The following TNNI3K variants were observed in gnomAD, a reference collection of about 807,000 sequenced individuals.
TNNI3K encodes TNNI3 interacting kinase.
In TNNI3K, 140 loss-of-function variants were observed where a neutral mutation model predicts 114.5. That is an observed-to-expected ratio of 1.22 (90% CI 1.07 to 1.41). The LOEUF is 1.41. Ranked by LOEUF, TNNI3K falls within the 40% of genes most tolerant of loss-of-function variation. The pLI, the probability that TNNI3K is intolerant of heterozygous loss-of-function variation, is 0.00. For missense variants in TNNI3K, 1,125 were observed against 1,007.6 expected (o/e 1.12, Z -1.58); for synonymous variants, 347 against 347.5 (o/e 1.00, Z 0.02).
intron 11 of TNNI3K, among the ~76,000 whole-genome samples, chr1:74,359,514 T>A (rs561168461): frequency 6.6e-6 from 1 of 152,124 alleles, no homozygotes; most frequent in South Asian, 2.1e-4. Flanking sequence ...AAGTGTGTGT[T>A]GTTTTGTTAT....
intron 5 of TNNI3K, among the ~76,000 whole-genome samples, chr1:74,305,964 A>G (rs1449673676): frequency 6.6e-6 from 1 of 152,258 alleles, no homozygotes; most frequent in East Asian, 1.9e-4. Flanking sequence ...TACTGAATCC[A>G]TCACCCAAAA....
intron 11 of TNNI3K, among the ~76,000 whole-genome samples, chr1:74,359,420 A>G (rs1661835942): frequency 6.6e-6 from 1 of 151,990 alleles, no homozygotes; most frequent in South Asian, 2.1e-4. Context: ...TTAATATATT[A>G]GGATAATAGG....
At chr1:74,309,261 G>T (rs1232997233) in intron 5 of TNNI3K, among the ~76,000 whole-genome samples, 2 of 146,988 alleles carry the variant, frequency 1.4e-5, no homozygotes, top group African/African-American at 2.5e-5. Flanking sequence ...CCAGCTACTC[G>T]GGAGGCTGAG....
intron 5 of TNNI3K, among the ~76,000 whole-genome samples, chr1:74,290,722 T>C (rs1657627339): frequency 6.6e-6 from 1 of 151,786 alleles, no homozygotes; most frequent in South Asian, 2.1e-4. Flanking sequence ...TTAGTTTTTC[T>C]TATTACTAGA....
At chr1:74,491,678 A>C (rs1239598043) in intron 22 of TNNI3K, among the ~76,000 whole-genome samples, 1 of 152,206 alleles carries the variant, frequency 6.6e-6, no homozygotes, top group Non-Finnish European at 1.5e-5. Flanking sequence ...AAAGTGTGTA[A>C]ATTCATTTTA....
intron 16 of TNNI3K, 72 bp from the exon 17 acceptor site, chr1:74,370,216 T>C: frequency 7.4e-7 from 1 of 1,345,214 alleles, no homozygotes; most frequent in Non-Finnish European, 1.0e-6. Flanking sequence ...ATAACAACTC[T>C]TACACATCAT....
chr1:74,344,663 C>T (rs1312238842), intron 9 of TNNI3K, among the ~76,000 whole-genome samples: 1 of 152,112 alleles, frequency 6.6e-6, no homozygotes, highest in African/African-American at 2.4e-5. Context: ...GTTTTCAAAT[C>T]ATTTTGCTAC....
At chr1:74,508,140 G>A (rs987400150) in intron 23 of TNNI3K, among the ~76,000 whole-genome samples, 5 of 152,198 alleles carry the variant, frequency 3.3e-5, no homozygotes, top group African/African-American at 9.6e-5. Flanking sequence ...TCTTGCAAAA[G>A]GTGGCCTTGC....
At chr1:74,424,554 A>G (rs1010235779) in intron 17 of TNNI3K, among the ~76,000 whole-genome samples, 21 of 151,924 alleles carry the variant, frequency 1.4e-4, no homozygotes, top group Non-Finnish European at 1.5e-5. Context: ...CCCCATCTCT[A>G]ATAAAAATAT....
In TNNI3K at chr1:74,370,334, A is replaced by G. The variant is rs562594271; in HGVS notation, c.1714A>G (p.Lys572Glu). The change falls in exon 17 of 25, where the codon AAA becomes GAA. Residue 572 changes from lysine (K) to glutamate (E), a missense_variant. Coordinates refer to ENST00000326637, the MANE Select transcript of TNNI3K (RefSeq NM_015978.3). ...ATTAATTATTGCAGTAGATGTTGCC[A>G]AAGGCATGGAGTACCTTCACAACCT... ...SKLIIAVDVAKGMEYLHNLTQ... is the reference protein window; with the variant it reads ...SKLIIAVDVAEGMEYLHNLTQ... The G allele has an allele frequency of 6.2e-7, 1 of 1,606,880 alleles. No homozygotes were observed. Among genetic ancestry groups the G allele is most frequent in the South Asian group, 1.1e-5 (1 of 90,252 alleles).
At chr1:74,463,613 A>G in intron 21 of TNNI3K, 63 bp downstream of exon 21, 10 of 1,568,092 alleles carry the variant, frequency 6.4e-6, no homozygotes, top group Non-Finnish European at 8.8e-6. Flanking sequence ...CAAATAGTAT[A>G]ACTCCAAAGT....
rs773728606 is a variant in TNNI3K at position 74,445,612 on chromosome 1, C to CTTTTTTTT, written c.2011+5997_2011+5998insTTTTTTTT. 1.5e-5 allele frequency among the ~76,000 whole-genome samples: 2 copies of CTTTTTTTT among 131,446 alleles called. 1 individual carries two copies. Among genetic ancestry groups the CTTTTTTTT allele is most frequent in the Non-Finnish European group, 3.2e-5 (2 of 62,702 alleles). 86.2% of individuals were successfully genotyped at this position (131,446 alleles called of 152,430 possible). On this transcript the variant is annotated intron_variant, in intron 20 of 24. Transcript: ENST00000326637. ...ATATGTTCCACATTTTCTTTTTTTT[C>CTTTTTTTT]TTTTTTTCTTTTTTTTGAGACGGAG...
At chr1:74,321,391 GT>G (rs1420046398) in intron 5 of TNNI3K, among the ~76,000 whole-genome samples, 1 of 151,986 alleles carries the variant, frequency 6.6e-6, no homozygotes, top group Non-Finnish European at 1.5e-5. Flanking sequence ...TTCCTCCCCA[GT>G]TTTAAACCAT....
Position 74,544,239 on chromosome 1 carries a change from A to G in TNNI3K, c.*257A>G, listed in dbSNP as rs1646761258. ...TTTTGTAAATTAAAAAAAAATTTAG[A>G]TCGTTACTTGGAAATGGAGCCTAAG... On this transcript the variant is annotated 3_prime_UTR_variant, in exon 25 of 25. Coordinates refer to ENST00000326637, the MANE Select transcript of TNNI3K (RefSeq NM_015978.3). 7.7e-6 allele frequency: 3 copies of G among 392,128 alleles called. No individual in the cohort carries two copies. The highest frequency in any genetic ancestry group is 1.3e-5 in the Non-Finnish European group (3 of 223,842). The allele number at this position is 392,128 out of a possible 1,614,324, so 24.3% of individuals were successfully genotyped here.
At chr1:74,421,145 A>G (rs1248332770) in intron 17 of TNNI3K, among the ~76,000 whole-genome samples, 1 of 152,112 alleles carries the variant, frequency 6.6e-6, no homozygotes, top group Admixed American at 6.6e-5. Context: ...TTGAGTCTCT[A>G]TGAAGTTTAA....
intron 23 of TNNI3K, among the ~76,000 whole-genome samples, chr1:74,534,618 C>G (rs544681023): frequency 4.6e-5 from 7 of 152,136 alleles, no homozygotes; most frequent in Non-Finnish European, 1.0e-4. Context: ...CATTATTTTT[C>G]GTATTTCTTC....
At chr1:74,301,260 C>T (rs541171345) in intron 5 of TNNI3K, among the ~76,000 whole-genome samples, 6 of 151,764 alleles carry the variant, frequency 4.0e-5, no homozygotes, top group Non-Finnish European at 7.4e-5. Context: ...CTTAGCCAGG[C>T]GTGGTGGTGC....
At position 74,400,593 on chromosome 1, in the gene TNNI3K, C is replaced by A. The variant is rs114327056; in HGVS notation, c.1772+30201C>A. 4.8e-3 allele frequency among the ~76,000 whole-genome samples: 733 copies of A among 152,296 alleles called. 12 individuals carry two copies. Among genetic ancestry groups the A allele is most frequent in the African/African-American group, 0.017 (700 of 41,564 alleles). On this transcript the variant is annotated intron_variant, in intron 17 of 24. Coordinates refer to ENST00000326637, the MANE Select transcript of TNNI3K (RefSeq NM_015978.3). ...ATGGGGAAATGAGACTTGCAAAAGT[C>A]TATCATTGCTCTTTCCCACCTTGCA...
chr1:74,505,112 C>G (rs912397169), intron 23 of TNNI3K, among the ~76,000 whole-genome samples: 3 of 152,086 alleles, frequency 2.0e-5, no homozygotes, highest in African/African-American at 7.2e-5. Flanking sequence ...AAGGAGGGCC[C>G]GGGCCCACTC....
Sources: gnomAD v4.1 joint callset for allele counts (sites outside exome capture counted in the v4.1 genomes callset) on GRCh38, gnomAD v4.1.1 for gene constraint, MANE v1.5 for transcripts, NCBI Gene and HGNC (gene_info 2026-07-23, HGNC 2026-07-21) for gene names.